The following JAG2 variants were observed in gnomAD, a reference collection of about 807,000 sequenced individuals.
JAG2 encodes the protein protein jagged-2.
Under a neutral mutation model 141.7 loss-of-function variants are expected in JAG2, and 46 were observed. The ratio of observed to expected loss-of-function variants is 0.32; its 90% CI spans 0.26 to 0.42. The LOEUF (loss-of-function observed/expected upper bound fraction) is 0.42, where lower values mean the gene tolerates loss of function less well. Ranked by LOEUF, JAG2 falls within the 10% of genes least tolerant of loss-of-function variation. The pLI is 1.00. For synonymous variants in JAG2, 862 were observed against 763.5 expected (o/e 1.13, Z -2.13); for missense variants, 1,500 against 1,817.5 (o/e 0.83, Z 3.18).
chr14:105,148,943 G>T lies in JAG2; in HGVS notation c.1900C>A (p.His634Asn). 2 of 1,606,224 alleles carry T rather than the reference G, an allele frequency of 1.2e-6. No homozygotes were observed. The highest frequency in any genetic ancestry group is 1.7e-6 in the Non-Finnish European group (2 of 1,177,100). Residue 634 changes from histidine (H) to asparagine (N), a missense_variant, in exon 14 of 26, where the codon CAT becomes AAT. His to Asn is a moderately conservative substitution (Grantham distance 68, BLOSUM62 1). Around this residue, in one of 3 missense-constraint regions of JAG2, gnomAD observed 875 missense variants for 1,202.2 expected, o/e 0.73. Coordinates refer to ENST00000331782, the MANE Select transcript of JAG2 (RefSeq NM_002226.5). The stretch of plus-strand genomic sequence containing the variant: ...GCCGTTCGTGGCCACTCACTCTCAT[G>T]GCAGTAGGTGCCAGTAAAGCCACTG... ...CDSGFTGTYC[H>N]ENIDDCLGQP...
Position 105,168,405 on chromosome 14 carries a change from G to C in JAG2, c.16C>G (p.Arg6Gly), listed in dbSNP as rs1356915804. The C allele has an allele frequency of 1.0e-6, 1 of 987,862 alleles. No individual in the cohort carries two copies. The highest frequency in any genetic ancestry group is 1.2e-6 in the Non-Finnish European group (1 of 814,186). The allele number at this position is 987,862 out of a possible 1,614,324, so 61.2% of individuals were successfully genotyped here. Residue 6 changes from arginine (R) to glycine (G), a missense_variant, in exon 1 of 26, where the codon CGG becomes GGG. Coordinates refer to ENST00000331782, the MANE Select transcript of JAG2 (RefSeq NM_002226.5). ...AGCAGCCGCCGGGGAAGGCGCCCCC[G>C]GCCCTGCGCCCGCATTGCCCCCGCG... Reference protein sequence around the residue: MRAQGRGRLPRRLLLL... With the variant: MRAQGGGRLPRRLLLL...
In JAG2 at chr14:105,144,955, C is replaced by T. The variant is rs757259650; in HGVS notation, c.3059G>A (p.Gly1020Glu). 111 of 1,601,814 alleles carry T rather than the reference C, an allele frequency of 6.9e-5. 1 individual carries two copies. The highest frequency in any genetic ancestry group is 9.3e-5 in the Non-Finnish European group (109 of 1,177,242). ...CACGGCCACCTCCACAGCACTGGCCCCCGAGGACGCCCGGTCGCAAAGCAA... is the reference window on the plus strand; with the variant it reads ...CACGGCCACCTCCACAGCACTGGCCTCCGAGGACGCCCGGTCGCAAAGCAA... ...LVLLCDRASS[G>E]ASAVEVAVSF... The change falls in exon 24 of 26, where the codon GGG (glycine) becomes GAG (glutamate). Residue 1020 changes from glycine (G) to glutamate (E), a missense_variant. Gly to Glu is a moderately conservative substitution (Grantham distance 98). Transcript: ENST00000331782.
In JAG2 at chr14:105,167,394, G is replaced by A. The variant is rs1888949393; in HGVS notation, c.417+363C>T. Among the ~76,000 whole-genome samples the A allele has an allele frequency of 1.3e-5, 2 of 152,010 alleles. No homozygotes were observed. Among genetic ancestry groups the A allele is most frequent in the Admixed American group, 1.3e-4 (2 of 15,268 alleles). The stretch of plus-strand genomic sequence containing the variant: ...CAGGGCCTGCCCTAGACCAGCCCCA[G>A]CACGCGCTGCGCACATGCCACCGCG... On this transcript the variant is annotated intron_variant, in intron 2 of 25. Coordinates refer to ENST00000331782, the MANE Select transcript of JAG2 (RefSeq NM_002226.5). This position sits in a 1 kb window ranked among gnomAD's most constrained non-coding sequence, Gnocchi z 4.8.
At chr14:105,152,981 AG>A (rs752013186) in intron 5 of JAG2, among the ~76,000 whole-genome samples, 49 of 151,876 alleles carry the variant, frequency 3.2e-4, no homozygotes, top group Non-Finnish European at 6.3e-4. Context: ...CCCCCAGGAG[AG>A]GGCAGGTGGC....
chr14:105,143,586 G>A lies in JAG2; in HGVS notation c.3137C>T (p.Ala1046Val). Residue 1046 changes from alanine (A) to valine (V), a missense_variant, in exon 25 of 26, where the codon GCC becomes GTC. Ala to Val is a moderately conservative substitution (Grantham distance 64). Around this residue, in one of 3 missense-constraint regions of JAG2, gnomAD observed 425 missense variants for 441.0 expected, o/e 0.96. Transcript: ENST00000331782. ...LPDSSLIQGAAHAIVAAITQR... is the reference protein window; with the variant it reads ...LPDSSLIQGAVHAIVAAITQR... ...GGTGATGGCGGCCACGATGGCGTGG[G>A]CCGCGCCCTGGATCAGGCTGCTGTC... is the stretch of plus-strand genomic sequence containing the variant. The A allele has an allele frequency of 6.2e-7, 1 of 1,606,386 alleles. No homozygotes were observed.
chr14:105,168,325 G>GCCC, intron 1 of JAG2, 30 bp downstream of exon 1: 1 of 648,410 alleles, frequency 1.5e-6, no homozygotes, highest in Non-Finnish European at 2.0e-6. Flanking sequence ...CCCCGTCCGC[G>GCCC]ACCCCCGCCG....
chr14:105,146,979 C>A (rs1888244435), intron 20 of JAG2: 2 of 621,122 alleles, frequency 3.2e-6, no homozygotes, highest in Non-Finnish European at 2.9e-6. Flanking sequence ...CCAGCTGCTG[C>A]GTCGGACCAG....
chr14:105,156,235 C>T (rs1029695963), intron 3 of JAG2, among the ~76,000 whole-genome samples: 3 of 152,174 alleles, frequency 2.0e-5, no homozygotes, highest in African/African-American at 7.2e-5. Context: ...TCGGGGGGCC[C>T]GGCTAGGGGC....
At position 105,142,977 on chromosome 14, in the gene JAG2, C is replaced by T. The variant is rs1011258573; in HGVS notation, c.3435G>A (p.Lys1145=). The T allele has an allele frequency of 6.2e-7, 1 of 1,609,904 alleles. No individual in the cohort carries two copies. The highest frequency in any genetic ancestry group is 8.5e-7 in the Non-Finnish European group (1 of 1,179,246). ...AGTTCTTGCACTGGTAGAGCACGTC[C>T]TTGTGGCCCCCCGGCCGCTCAATGG... ...RNPIERPGGH[K]DVLYQCKNFT... The change falls in exon 26 of 26, where the codon AAG becomes AAA. Residue 1145 remains lysine (K), a synonymous_variant. Coordinates refer to ENST00000331782, the MANE Select transcript of JAG2 (RefSeq NM_002226.5).
At chr14:105,157,622 G>T (rs1195604873) in intron 3 of JAG2, 84 bp downstream of exon 3, 2 of 1,262,266 alleles carry the variant, frequency 1.6e-6, no homozygotes, top group Admixed American at 2.0e-5. Flanking sequence ...GCAAGGCTTT[G>T]TCCCAAGCAG....
Position 105,168,443 on chromosome 14 carries a change from G to A in JAG2, c.-23C>T. The A allele has an allele frequency of 1.6e-6, 1 of 617,048 alleles. No homozygotes were observed. The highest frequency in any genetic ancestry group is 2.0e-6 in the Non-Finnish European group (1 of 496,436). The allele number at this position is 617,048 out of a possible 1,614,324, so 38.2% of individuals were successfully genotyped here. On this transcript the variant is annotated 5_prime_UTR_variant, in exon 1 of 26. Transcript: ENST00000331782. ...CATTGCCCCCGCGACCCGCCCGCCC[G>A]GCCCCGCCGCCGCCGCCCGCGCCCG...
intron 2 of JAG2, among the ~76,000 whole-genome samples, chr14:105,166,539 C>T (rs1311394150): frequency 6.6e-6 from 1 of 152,352 alleles, no homozygotes; most frequent in East Asian, 1.9e-4. Context: ...CGGCGGGGTG[C>T]TCACGGGTTG....
chr14:105,143,806 G>A (rs1341054785), intron 24 of JAG2, among the ~76,000 whole-genome samples, 168 bp from the exon 25 acceptor site: 1 of 150,416 alleles, frequency 6.6e-6, no homozygotes, highest in South Asian at 2.1e-4. Flanking sequence ...GTGGGGAGTA[G>A]CGGGGGGAGG....
intron 2 of JAG2, among the ~76,000 whole-genome samples, chr14:105,166,565 G>A (rs1035557488): frequency 3.9e-5 from 6 of 152,372 alleles, no homozygotes; most frequent in East Asian, 1.9e-4. Context: ...ATGGCCAGAG[G>A]AGACTGTGGC....
intron 12 of JAG2, among the ~76,000 whole-genome samples, chr14:105,150,309 C>T (rs1340223849): frequency 4.6e-5 from 7 of 152,074 alleles, no homozygotes; most frequent in Non-Finnish European, 1.0e-4. Flanking sequence ...CCTCCAGTCC[C>T]GAGGGAGTGC....
At chr14:105,157,020 C>G (rs587625430) in intron 3 of JAG2, among the ~76,000 whole-genome samples, 6 of 152,266 alleles carry the variant, frequency 3.9e-5, no homozygotes, top group Non-Finnish European at 8.8e-5. Context: ...CCCATGCCTC[C>G]ACTTCTGAGA....
intron 2 of JAG2, among the ~76,000 whole-genome samples, chr14:105,164,105 C>A (rs1454754453): frequency 6.6e-6 from 1 of 151,996 alleles, no homozygotes; most frequent in Admixed American, 6.5e-5. Context: ...CAACCCGCCC[C>A]TCCACCTCCC....
rs762673903 is a variant in JAG2 at position 105,147,519 on chromosome 14, C to T, written c.2374G>A (p.Asp792Asn). 7.4e-6 allele frequency: 12 copies of T among 1,612,208 alleles called. No individual in the cohort carries two copies. The highest frequency in any genetic ancestry group is 2.2e-5 in the East Asian group (1 of 44,884). The change falls in exon 19 of 26, where the codon GAC becomes AAC. Residue 792 changes from aspartate to asparagine, a missense_variant. By Grantham distance (23) the Asp-to-Asn change is conservative. This residue lies in a region of JAG2 where 875 missense variants were observed against 1,202.2 expected (regional missense o/e 0.73). Transcript: ENST00000331782. The part of the protein sequence containing the change: ...EGRTCTHNTN[D>N]CNPLPCYNGG... ...ACTCACCAAGGCAGAGGGTTGCAGT[C>T]GTTGGTATCTGGTTTGGGAGAAGAG... is the stretch of plus-strand genomic sequence containing the variant.
intron 2 of JAG2, among the ~76,000 whole-genome samples, chr14:105,158,155 A>C (rs1212081451): frequency 6.6e-6 from 1 of 152,126 alleles, no homozygotes; most frequent in East Asian, 1.9e-4. Flanking sequence ...CCGGGACCCG[A>C]GCGTTTCCTG....
Sources: allele counts gnomAD v4.1 joint callset (sites outside exome capture counted in the v4.1 genomes callset), GRCh38; gene constraint gnomAD v4.1.1; regional missense constraint gnomAD v4.1.1; non-coding constraint Gnocchi (gnomAD v3.1); transcripts MANE v1.5; gene names NCBI Gene and HGNC (gene_info 2026-07-23, HGNC 2026-07-21).